Variants in KIAA1217 observed in about 807,000 individuals in gnomAD.
KIAA1217 encodes sickle tail protein homolog.
KIAA1217 carries 88 observed loss-of-function variants against 163.9 expected under a neutral mutation model. That is an observed-to-expected ratio of 0.54 (90% CI 0.45 to 0.64). The LOEUF (loss-of-function observed/expected upper bound fraction) is 0.64, where lower values mean the gene tolerates loss of function less well. Among genes scored for constraint, KIAA1217 ranks in the 30% least tolerant of loss-of-function variants. The pLI, the probability that KIAA1217 is intolerant of heterozygous loss-of-function variation, is 0.00. For synonymous variants in KIAA1217, 903 were observed against 923.1 expected, an observed-to-expected ratio of 0.98 and a Z score of 0.39; for missense variants, 2,372 against 2,475.0, an observed-to-expected ratio of 0.96 and a Z score of 0.88.
intron 2 of KIAA1217, among the ~76,000 whole-genome samples, chr10:24,046,449 A>G (rs1849034475): frequency 6.6e-6 from 1 of 152,234 alleles, no homozygotes; most frequent in Non-Finnish European, 1.5e-5. Context: ...AGATTTATAA[A>G]GAAAAGAGAT....
In KIAA1217 at chr10:23,858,448, T is replaced by C. The variant is rs76607611; in HGVS notation, c.-320-148777T>C. 5.3e-4 allele frequency among the ~76,000 whole-genome samples: 80 copies of C among 152,116 alleles called. 1 individual carries two copies. Among genetic ancestry groups the C allele is most frequent in the South Asian group, 4.0e-3 (19 of 4,808 alleles). ...TATATATATGCTGTATATATATATA[T>C]ACACACAAACATATGTGTGTGTGTA... On this transcript the variant is annotated intron_variant, in intron 1 of 18. Coordinates refer to the KIAA1217 transcript ENST00000376462.
At chr10:24,253,750 AAAAGG>A (rs1299986204) in intron 2 of KIAA1217, among the ~76,000 whole-genome samples, 1 of 151,130 alleles carries the variant, frequency 6.6e-6, no homozygotes, top group East Asian at 2.0e-4. Flanking sequence ...AAAAAAAAAG[AAAAGG>A]AAAGAAAAAA....
At chr10:24,049,372 C>T (rs1019662226) in intron 2 of KIAA1217, among the ~76,000 whole-genome samples, 1 of 152,098 alleles carries the variant, frequency 6.6e-6, no homozygotes, top group Non-Finnish European at 1.5e-5. Context: ...ACCTAAAGAT[C>T]GTATAAATTA....
chr10:24,095,814 A>C (rs2131700352), intron 2 of KIAA1217, among the ~76,000 whole-genome samples: 1 of 152,262 alleles, frequency 6.6e-6, no homozygotes, highest in East Asian at 1.9e-4. Context: ...ATTGTCCAAA[A>C]CTAAACTTGC....
At chr10:23,823,645 A>G (rs1837730485) in intron 1 of KIAA1217, among the ~76,000 whole-genome samples, 1 of 152,168 alleles carries the variant, frequency 6.6e-6, no homozygotes, top group Non-Finnish European at 1.5e-5. Flanking sequence ...GGTTTGGCCT[A>G]CCAAGATGCC....
intron 3 of KIAA1217, among the ~76,000 whole-genome samples, chr10:24,412,178 CA>C (rs11298641): frequency 0.44 from 63,034 of 144,008 alleles, 13,848 homozygotes; most frequent in African/African-American, 0.58. Context: ...ATGTTTGGTC[CA>C]AAAAAAAAAA....
At chr10:24,140,388 A>G (rs2064012794) in intron 2 of KIAA1217, among the ~76,000 whole-genome samples, 1 of 151,574 alleles carries the variant, frequency 6.6e-6, no homozygotes. Context: ...AAATCACTTT[A>G]TGGCTTCTTT....
At position 24,412,415 on chromosome 10, in the gene KIAA1217, A is replaced by C. The variant is rs1314466747; in HGVS notation, c.554-20580A>C. ...GGGATTATCTAAAAGCACTGTTTCC[A>C]GTTCTTCTCCTGTCATTTCTCTTGG... On this transcript the variant is annotated intron_variant, in intron 3 of 20. Transcript: ENST00000376454. Among the ~76,000 whole-genome samples the C allele has an allele frequency of 9.8e-5, 15 of 152,296 alleles. No homozygotes were observed. In the East Asian group the frequency reaches 1.7e-3, roughly 18 times the overall value.
At chr10:23,952,818 T>C (rs1844399858) in intron 1 of KIAA1217, among the ~76,000 whole-genome samples, 1 of 152,238 alleles carries the variant, frequency 6.6e-6, no homozygotes. Context: ...TGGATTGAGA[T>C]ACAAGTGGAT....
At chr10:23,703,596 A>G (rs990383553) in intron 1 of KIAA1217, among the ~76,000 whole-genome samples, 1 of 152,188 alleles carries the variant, frequency 6.6e-6, no homozygotes, top group African/African-American at 2.4e-5. Context: ...ACATCAACTG[A>G]CTTAAAAAGT....
At chr10:24,083,607 AG>A (rs1200309453) in intron 2 of KIAA1217, among the ~76,000 whole-genome samples, 1 of 152,372 alleles carries the variant, frequency 6.6e-6, no homozygotes, top group East Asian at 1.9e-4. Flanking sequence ...ATGGAGAAAT[AG>A]CACTTTAAAT....
intron 1 of KIAA1217, among the ~76,000 whole-genome samples, chr10:23,988,628 A>G (rs1295092396): frequency 6.6e-6 from 1 of 152,248 alleles, no homozygotes; most frequent in Non-Finnish European, 1.5e-5. Flanking sequence ...TAAAATTAGC[A>G]TCATAATATA....
intron 2 of KIAA1217, among the ~76,000 whole-genome samples, chr10:24,177,864 G>T (rs2065984717): frequency 6.6e-6 from 1 of 152,138 alleles, no homozygotes; most frequent in Non-Finnish European, 1.5e-5. Flanking sequence ...GATACCATAT[G>T]TTGGTTGATT....
At chr10:23,983,065 T>A (rs1845836816) in intron 1 of KIAA1217, among the ~76,000 whole-genome samples, 1 of 151,924 alleles carries the variant, frequency 6.6e-6, no homozygotes, top group African/African-American at 2.4e-5. Context: ...AACCAGGGCA[T>A]GTTCTATGCA....
At chr10:23,741,678 G>A (rs1188951555) in intron 1 of KIAA1217, among the ~76,000 whole-genome samples, 1 of 152,172 alleles carries the variant, frequency 6.6e-6, no homozygotes, top group Non-Finnish European at 1.5e-5. Context: ...TCCCAGGATG[G>A]GGGTCAGTGG....
intron 1 of KIAA1217, among the ~76,000 whole-genome samples, chr10:23,869,235 A>G (rs1840347659): frequency 6.7e-6 from 1 of 148,240 alleles, no homozygotes; most frequent in Non-Finnish European, 1.5e-5. Context: ...TGGAAAATAG[A>G]TGACTCTTTC....
chr10:24,212,543 G>GA (rs2068273418), intron 1 of KIAA1217, among the ~76,000 whole-genome samples: 1 of 152,084 alleles, frequency 6.6e-6, no homozygotes, highest in Non-Finnish European at 1.5e-5. Flanking sequence ...GGAAGGGCTG[G>GA]AAAAAATAGC....
At position 23,886,643 on chromosome 10, in the gene KIAA1217, C is replaced by G. The variant is rs150145375; in HGVS notation, c.-320-120582C>G. ...CTTAATGACAGTTGAACAGGAGAAA[C>G]ACAAACTTCAGGTTGAGGTTGATTT... On this transcript the variant is annotated intron_variant, in intron 1 of 18. Coordinates refer to the KIAA1217 transcript ENST00000376462. 3.3e-3 allele frequency among the ~76,000 whole-genome samples: 498 copies of G among 152,090 alleles called. 1 individual carries two copies. The highest frequency in any genetic ancestry group is 0.011 in the African/African-American group (466 of 41,548).
chr10:24,532,485 G>A (rs987982884), intron 15 of KIAA1217, among the ~76,000 whole-genome samples: 2 of 152,194 alleles, frequency 1.3e-5, no homozygotes, highest in Admixed American at 6.5e-5. Context: ...TGTTCTCAGG[G>A]TGCTGATAGA....
Sources: gnomAD v4.1 joint callset for allele counts (sites outside exome capture counted in the v4.1 genomes callset) on GRCh38, gnomAD v4.1.1 for gene constraint, MANE v1.5 for transcripts, NCBI Gene and HGNC (gene_info 2026-07-23, HGNC 2026-07-21) for gene names.